Variants in EPHX4 observed in about 807,000 individuals in gnomAD.
EPHX4 encodes the protein epoxide hydrolase 4, also known as abhydrolase domain containing 7.
In EPHX4, 31 loss-of-function variants were observed where a neutral mutation model predicts 44.9. That is an observed-to-expected ratio of 0.69 (90% CI 0.52 to 0.93). The LOEUF (loss-of-function observed/expected upper bound fraction) is 0.93, where lower values mean the gene tolerates loss of function less well. Among genes scored for constraint, EPHX4 ranks in the 40% least tolerant of loss-of-function variants. EPHX4 has a pLI of 0.00. For synonymous variants in EPHX4, 151 were observed against 159.7 expected (o/e 0.95, Z 0.41); for missense variants, 373 against 438.1 (o/e 0.85, Z 1.33).
At chr1:92,050,488 C>T in intron 5 of EPHX4, 68 bp downstream of exon 5, 4 of 853,674 alleles carry the variant, frequency 4.7e-6, no homozygotes, top group East Asian at 3.1e-5. Context: ...TTAAAGTCCA[C>T]GTTTAAGAAG....
intron 4 of EPHX4, among the ~76,000 whole-genome samples, chr1:92,048,926 C>A (rs1421964430): frequency 6.6e-6 from 1 of 151,814 alleles, no homozygotes; most frequent in Non-Finnish European, 1.5e-5. Context: ...TGGTCTCAAA[C>A]CCTTGGCTTC....
At chr1:92,037,327 G>A (rs756450186) in intron 2 of EPHX4, among the ~76,000 whole-genome samples, 4 of 152,102 alleles carry the variant, frequency 2.6e-5, no homozygotes, top group Non-Finnish European at 5.9e-5. Context: ...ACGAGAAATG[G>A]TGATATTTCA....
chr1:92,051,084 C>T (rs1169726095), intron 5 of EPHX4, among the ~76,000 whole-genome samples: 3 of 152,164 alleles, frequency 2.0e-5, no homozygotes, highest in East Asian at 1.9e-4. Context: ...CCTCCCACCT[C>T]GGCTTCCCAA....
chr1:92,049,158 C>A (rs759267640), intron 4 of EPHX4, among the ~76,000 whole-genome samples: 5 of 152,242 alleles, frequency 3.3e-5, no homozygotes, highest in Non-Finnish European at 5.9e-5. Context: ...TCTGACTCAT[C>A]ATATACCATC....
At chr1:92,042,715 ACT>A in intron 2 of EPHX4, 106 bp from the exon 3 acceptor site, 2 of 1,057,196 alleles carry the variant, frequency 1.9e-6, no homozygotes, top group Admixed American at 2.9e-5. Flanking sequence ...ACAGAGCAAA[ACT>A]CTGTCTCAAA....
Position 92,032,584 on chromosome 1 carries a change from A to G in EPHX4, c.311A>G (p.Glu104Gly). The change falls in exon 2 of 7, where the codon GAA (glutamate) becomes GGA (glycine). Residue 104 changes from glutamate to glycine, a missense_variant. Coordinates refer to ENST00000370383, the MANE Select transcript of EPHX4 (RefSeq NM_173567.5). Reference sequence around the variant, plus strand: ...ATGCTGCTGCTTCATGGATTTCCAGAATTCTGGTAAGCTTACCAACTAACA... The same window carrying G: ...ATGCTGCTGCTTCATGGATTTCCAGGATTCTGGTAAGCTTACCAACTAACA... ...PLMLLLHGFP[E>G]FWYSWRYQLR... The G allele has an allele frequency of 6.2e-7, 1 of 1,613,782 alleles. No homozygotes were observed. The highest frequency in any genetic ancestry group is 8.5e-7 in the Non-Finnish European group (1 of 1,179,702).
chr1:92,060,628 A>G (rs146993283), intron 6 of EPHX4, among the ~76,000 whole-genome samples: 1,746 of 151,992 alleles, frequency 0.011, 25 homozygotes, highest in African/African-American at 0.04. Context: ...TTTAAAGAAA[A>G]GAATAGGTAG....
chr1:92,051,265 A>G (rs1047224415), intron 5 of EPHX4, among the ~76,000 whole-genome samples: 5 of 152,086 alleles, frequency 3.3e-5, no homozygotes, highest in African/African-American at 9.6e-5. Context: ...AAAAAACCCA[A>G]TGCCACTATC....
At chr1:92,033,504 A>AT (rs1404137455) in intron 2 of EPHX4, among the ~76,000 whole-genome samples, 1 of 152,124 alleles carries the variant, frequency 6.6e-6, no homozygotes, top group Admixed American at 6.5e-5. Context: ...TATTAGGAAG[A>AT]TTTTGGTGAG....
At chr1:92,050,283 T>G (rs752109193) in intron 4 of EPHX4, 34 bp from the exon 5 acceptor site, 2 of 1,350,770 alleles carry the variant, frequency 1.5e-6, no homozygotes, top group Admixed American at 3.9e-5. Flanking sequence ...TTTATACCCC[T>G]TGGATAAGGT....
intron 4 of EPHX4, among the ~76,000 whole-genome samples, chr1:92,047,399 CA>C (rs572683255): frequency 0.011 from 1,255 of 111,182 alleles, 12 homozygotes; most frequent in African/African-American, 0.028. Context: ...GACCCTGTCT[CA>C]AAAAAAAAAA....
At chr1:92,045,281 G>A (rs1688567458) in intron 3 of EPHX4, among the ~76,000 whole-genome samples, 1 of 151,946 alleles carries the variant, frequency 6.6e-6, no homozygotes, top group African/African-American at 2.4e-5. Flanking sequence ...CACCACACCG[G>A]CCTATTTCAG....
At chr1:92,053,530 T>C (rs1351094904) in intron 6 of EPHX4, among the ~76,000 whole-genome samples, 2 of 152,114 alleles carry the variant, frequency 1.3e-5, no homozygotes, top group African/African-American at 4.8e-5. Context: ...TATTAGAGAA[T>C]TTTCAGAGTA....
In EPHX4 at chr1:92,041,425, C is replaced by T. The variant is rs181981174; in HGVS notation, c.318-1398C>T. Among the ~76,000 whole-genome samples the T allele has an allele frequency of 5.9e-4, 90 of 152,286 alleles. 2 individuals are homozygous for T. Among genetic ancestry groups the T allele is most frequent in the Admixed American group, 5.7e-3 (87 of 15,294 alleles). On this transcript the variant is annotated intron_variant, in intron 2 of 6. Transcript: ENST00000370383. The stretch of plus-strand genomic sequence containing the variant: ...AAATAAGCTGTGGTTATTACTAAAA[C>T]TTTGACCCTATTTGACAGTGGAGTA...
rs1688330054 is a variant in EPHX4 at position 92,030,057 on chromosome 1, G to A, written c.-23G>A. On this transcript the variant is annotated 5_prime_UTR_variant, in exon 1 of 7. The change creates a new upstream start codon in the 5' untranslated region. Transcript: ENST00000370383. The stretch of plus-strand genomic sequence containing the variant: ...GCTCACCCGCTCCCGAGGAAGGGCA[G>A]TGGGCCCCGCCGCCGCCTCCCAATG... The A allele has an allele frequency of 6.5e-7, 1 of 1,549,250 alleles. No individual in the cohort carries two copies.
chr1:92,060,532 A>G (rs1341338761), intron 6 of EPHX4, among the ~76,000 whole-genome samples: 1 of 152,128 alleles, frequency 6.6e-6, no homozygotes, highest in African/African-American at 2.4e-5. Flanking sequence ...AACTTAATGC[A>G]ACTTCAGTGA....
At chr1:92,040,181 T>TC in intron 2 of EPHX4, among the ~76,000 whole-genome samples, 1 of 145,450 alleles carries the variant, frequency 6.9e-6, no homozygotes, top group East Asian at 2.0e-4. Flanking sequence ...CAATGATTTT[T>TC]TTTTTTTTTT....
At chr1:92,032,404 ATAAGGCAAGT>A in intron 1 of EPHX4, 91 bp from the exon 2 acceptor site, 1 of 859,634 alleles carries the variant, frequency 1.2e-6, no homozygotes, top group Non-Finnish European at 1.9e-6. Context: ...ATGTTTTAAA[ATAAGGCAAGT>A]TACTATTTTT....
At chr1:92,042,745 AAAGG>A in intron 2 of EPHX4, 74 bp from the exon 3 acceptor site, 20 of 1,265,602 alleles carry the variant, frequency 1.6e-5, no homozygotes, top group East Asian at 5.0e-5. Context: ...AAAAAAAAAG[AAAGG>A]AAAAAGAAAA....
Sources: gnomAD v4.1 joint callset for allele counts (sites outside exome capture counted in the v4.1 genomes callset) on GRCh38, gnomAD v4.1.1 for gene constraint, MANE v1.5 for transcripts, NCBI Gene and HGNC (gene_info 2026-07-23, HGNC 2026-07-21) for gene names.